The following CADM2 variants were observed in gnomAD, a reference collection of about 807,000 sequenced individuals.
CADM2 encodes the protein cell adhesion molecule 2.
A neutral mutation model predicts 49.8 loss-of-function variants in CADM2; 12 were observed. That is an observed-to-expected ratio of 0.24 (90% CI 0.15 to 0.39). CADM2 has a LOEUF of 0.39. CADM2 is among the 10% of genes least tolerant of loss of function. CADM2 has a pLI of 1.00. For missense variants in CADM2, 378 were observed against 492.3 expected (o/e 0.77, Z 2.20); for synonymous variants, 214 against 175.4 (o/e 1.22, Z -1.74).
intron 3 of CADM2, among the ~76,000 whole-genome samples, chr3:85,860,308 G>A (rs2075477607): frequency 6.6e-6 from 1 of 152,000 alleles, no homozygotes; most frequent in African/African-American, 2.4e-5. Context: ...ATTACATGGA[G>A]GCTACAGACT....
chr3:85,748,128 A>G (rs1468832898), intron 2 of CADM2, among the ~76,000 whole-genome samples: 1 of 152,108 alleles, frequency 6.6e-6, no homozygotes, highest in Non-Finnish European at 1.5e-5. Flanking sequence ...CTGTTGAACC[A>G]TAATCTCCAT....
At chr3:85,200,637 C>G (rs2041470593) in intron 1 of CADM2, among the ~76,000 whole-genome samples, 1 of 151,998 alleles carries the variant, frequency 6.6e-6, no homozygotes, top group Non-Finnish European at 1.5e-5. Flanking sequence ...ACTATGAAAC[C>G]TGGGGAACTA....
At chr3:85,806,837 G>A (rs541042278) in intron 3 of CADM2, among the ~76,000 whole-genome samples, 1 of 152,258 alleles carries the variant, frequency 6.6e-6, no homozygotes, top group South Asian at 2.1e-4. Context: ...AATTGGCTAA[G>A]GTGAATCTAA....
intron 7 of CADM2, among the ~76,000 whole-genome samples, chr3:85,938,212 A>G (rs1721417417): frequency 6.6e-6 from 1 of 152,056 alleles, no homozygotes; most frequent in Admixed American, 6.6e-5. Flanking sequence ...GCCTTTCTGT[A>G]GTTTATATAC....
At chr3:85,285,289 A>G (rs1038691512) in intron 1 of CADM2, among the ~76,000 whole-genome samples, 1 of 152,120 alleles carries the variant, frequency 6.6e-6, no homozygotes, top group Admixed American at 6.6e-5. Context: ...CAGCACATAT[A>G]TGGTATGAAA....
At chr3:85,042,774 A>G (rs950693441) in intron 1 of CADM2, among the ~76,000 whole-genome samples, 2 of 152,188 alleles carry the variant, frequency 1.3e-5, no homozygotes, top group Non-Finnish European at 2.9e-5. Context: ...TAAGAAAGGT[A>G]TTATAAAATG....
chr3:85,839,302 C>A (rs1272514175), intron 3 of CADM2, among the ~76,000 whole-genome samples: 1 of 151,706 alleles, frequency 6.6e-6, no homozygotes, highest in Non-Finnish European at 1.5e-5. Context: ...CTTCTCTAGT[C>A]TGTTAAAGAT....
chr3:85,397,366 G>A (rs2034842480), intron 1 of CADM2, among the ~76,000 whole-genome samples: 1 of 152,106 alleles, frequency 6.6e-6, no homozygotes, highest in Non-Finnish European at 1.5e-5. Context: ...ATATGATCCA[G>A]AATTATGTAT....
At chr3:85,698,912 A>C (rs1254783389) in intron 1 of CADM2, among the ~76,000 whole-genome samples, 1 of 152,198 alleles carries the variant, frequency 6.6e-6, no homozygotes, top group Non-Finnish European at 1.5e-5. Context: ...TCCACAGTCC[A>C]ATGTCCTGTC....
chr3:85,045,050 G>A lies in CADM2; in HGVS notation c.61+85382G>A, dbSNP rs375738886. On this transcript the variant is annotated intron_variant, in intron 1 of 9. Coordinates refer to ENST00000383699, the MANE Select transcript of CADM2 (RefSeq NM_001167675.2). ...CACTTCATCTTTGACCGTTAGCCTC[G>A]ATTGTTTATTGTTGGTTTCCAGAAG... 9.9e-5 allele frequency among the ~76,000 whole-genome samples: 15 copies of A among 152,056 alleles called. 1 individual carries two copies. Among genetic ancestry groups the A allele is most frequent in the East Asian group, 9.7e-4 (5 of 5,154 alleles).
chr3:85,536,299 A>G lies in CADM2; in HGVS notation c.62-190223A>G, dbSNP rs192744835. ...GAGATTCGTTAGGAAGGAGAAATTC[A>G]AAAGAAACACTGAATAGACCAATAA... On this transcript the variant is annotated intron_variant, in intron 1 of 9. Transcript: ENST00000383699. 1.1e-3 allele frequency among the ~76,000 whole-genome samples: 165 copies of G among 152,154 alleles called. 3 individuals carry two copies. Among genetic ancestry groups the G allele is most frequent in the Admixed American group, 0.011 (165 of 15,260 alleles).
At chr3:85,705,139 C>T (rs1366842814) in intron 1 of CADM2, among the ~76,000 whole-genome samples, 2 of 149,442 alleles carry the variant, frequency 1.3e-5, no homozygotes, top group African/African-American at 4.9e-5. Flanking sequence ...GTGCTGGGAT[C>T]ACAGGTGTGA....
chr3:86,025,765 T>C (rs879862945), intron 8 of CADM2, among the ~76,000 whole-genome samples: 1 of 152,158 alleles, frequency 6.6e-6, no homozygotes, highest in Admixed American at 6.5e-5. Flanking sequence ...TAAGTATTTG[T>C]TTATTCCTCT....
At chr3:85,776,694 G>C (rs1334121901) in intron 2 of CADM2, among the ~76,000 whole-genome samples, 1 of 151,996 alleles carries the variant, frequency 6.6e-6, no homozygotes, top group African/African-American at 2.4e-5. Context: ...GTGCACCACA[G>C]AAATGTAATA....
At chr3:85,847,779 T>G (rs559764459) in intron 3 of CADM2, among the ~76,000 whole-genome samples, 1 of 152,250 alleles carries the variant, frequency 6.6e-6, no homozygotes, top group East Asian at 1.9e-4. Flanking sequence ...AGCAATTATA[T>G]TTTTAATTAA....
At chr3:85,300,311 C>A (rs1326585188) in intron 1 of CADM2, among the ~76,000 whole-genome samples, 3 of 152,004 alleles carry the variant, frequency 2.0e-5, no homozygotes, top group South Asian at 4.1e-4. Context: ...TCACATAATA[C>A]CCTGTTCGTA....
intron 6 of CADM2, among the ~76,000 whole-genome samples, chr3:85,930,765 A>G (rs777289784): frequency 6.3e-4 from 96 of 151,970 alleles, no homozygotes; most frequent in Non-Finnish European, 2.9e-4. Flanking sequence ...AGTTCCATCC[A>G]TGTTGTTAAA....
At chr3:85,835,218 A>G (rs1173291687) in intron 3 of CADM2, among the ~76,000 whole-genome samples, 1 of 151,336 alleles carries the variant, frequency 6.6e-6, no homozygotes, top group African/African-American at 2.4e-5. Flanking sequence ...ACTTGTGATT[A>G]ATGTTTTGAT....
At chr3:85,019,761 G>C (rs2034414233) in intron 1 of CADM2, among the ~76,000 whole-genome samples, 1 of 152,216 alleles carries the variant, frequency 6.6e-6, no homozygotes, top group Non-Finnish European at 1.5e-5. Context: ...TGAAGGCCTA[G>C]AATGTGGCAG....
Sources: gnomAD v4.1 joint callset for allele counts (sites outside exome capture counted in the v4.1 genomes callset) on GRCh38, gnomAD v4.1.1 for gene constraint, MANE v1.5 for transcripts, NCBI Gene and HGNC (gene_info 2026-07-23, HGNC 2026-07-21) for gene names.